Variants in ZDHHC14 observed in about 807,000 individuals in gnomAD.
The protein encoded by ZDHHC14 is palmitoyltransferase ZDHHC14.
A neutral mutation model predicts 47.7 loss-of-function variants in ZDHHC14; 16 were observed. The ratio of observed to expected loss-of-function variants is 0.34; its 90% CI spans 0.23 to 0.51. The LOEUF (loss-of-function observed/expected upper bound fraction) is 0.51. ZDHHC14 is among the 20% of genes least tolerant of loss of function. The pLI is 0.97. For missense variants in ZDHHC14, 515 were observed against 662.5 expected (o/e 0.78, Z 2.44); for synonymous variants, 293 against 278.9 (o/e 1.05, Z -0.50).
chr6:157,651,329 G>A (rs1003266948), intron 7 of ZDHHC14, among the ~76,000 whole-genome samples: 2 of 152,132 alleles, frequency 1.3e-5, no homozygotes, highest in African/African-American at 2.4e-5. Flanking sequence ...AGCCTCTGTC[G>A]GCCCATGGTG....
intron 1 of ZDHHC14, among the ~76,000 whole-genome samples, chr6:157,484,340 T>TATATATGTATATA (rs1440865862): frequency 1.4e-5 from 2 of 141,166 alleles, no homozygotes; most frequent in Non-Finnish European, 3.1e-5. Context: ...TATATATACA[T>TATATATGTATATA]TATACGTATA....
At position 157,537,019 on chromosome 6, in the gene ZDHHC14, C is replaced by G. The variant is rs1781568084; in HGVS notation, c.246-5566C>G. Reference sequence around the variant, plus strand: ...ATTTTTAGTAGAGACGGGGTTTCACCGTTTTAGCCGGGATGGTCTCGATCT... The same window carrying G: ...ATTTTTAGTAGAGACGGGGTTTCACGGTTTTAGCCGGGATGGTCTCGATCT... On this transcript the variant is annotated intron_variant, in intron 1 of 8. Coordinates refer to ENST00000359775, the MANE Select transcript of ZDHHC14 (RefSeq NM_024630.3). 3.1e-5 allele frequency among the ~76,000 whole-genome samples: 2 copies of G among 64,834 alleles called. 1 individual carries two copies. Among genetic ancestry groups the G allele is most frequent in the Admixed American group, 3.7e-4 (2 of 5,478 alleles). The allele number at this position is 64,834 out of a possible 152,430, so 42.5% of individuals were successfully genotyped here.
intron 2 of ZDHHC14, among the ~76,000 whole-genome samples, chr6:157,549,816 AT>A (rs2114819181): frequency 6.6e-6 from 1 of 152,364 alleles, no homozygotes; most frequent in African/African-American, 2.4e-5. Context: ...CATCCAGGAC[AT>A]TCAAGGAAGC....
At chr6:157,424,377 G>A (rs960609615) in intron 1 of ZDHHC14, among the ~76,000 whole-genome samples, 1 of 152,166 alleles carries the variant, frequency 6.6e-6, no homozygotes, top group Admixed American at 6.5e-5. Context: ...TCAAGTAAAC[G>A]TTGAATCTGA....
intron 7 of ZDHHC14, 95 bp from the exon 8 acceptor site, chr6:157,653,430 G>C (rs1777930767): frequency 1.5e-6 from 2 of 1,338,326 alleles, no homozygotes; most frequent in Non-Finnish European, 2.1e-6. Flanking sequence ...CCTGTCACGG[G>C]AAGAGGGAGC....
intron 2 of ZDHHC14, among the ~76,000 whole-genome samples, chr6:157,560,378 T>G (rs1359739950): frequency 1.3e-5 from 2 of 152,230 alleles, no homozygotes; most frequent in Non-Finnish European, 2.9e-5. Flanking sequence ...GTGAATCACC[T>G]TTGCAATCTG....
At chr6:157,523,332 G>A (rs554095110) in intron 1 of ZDHHC14, among the ~76,000 whole-genome samples, 8 of 151,830 alleles carry the variant, frequency 5.3e-5, no homozygotes, top group Admixed American at 3.9e-4. Context: ...TCAGTTCATC[G>A]CCATCACCAG....
At position 157,427,847 on chromosome 6, in the gene ZDHHC14, A is replaced by G. The variant is rs1001911144; in HGVS notation, c.245+45581A>G. ...CATTGTGGCCCCCAAGGACAATGGAATGGTGGGGCTCTAGTCTTCATCTTT... is the reference window on the plus strand; with the variant it reads ...CATTGTGGCCCCCAAGGACAATGGAGTGGTGGGGCTCTAGTCTTCATCTTT... On this transcript the variant is annotated intron_variant, in intron 1 of 8. Coordinates refer to ENST00000359775, the MANE Select transcript of ZDHHC14 (RefSeq NM_024630.3). This position sits in a 1 kb window ranked among gnomAD's most constrained non-coding sequence, Gnocchi z 4.4. Among the ~76,000 whole-genome samples the G allele has an allele frequency of 6.6e-6, 1 of 152,142 alleles. No individual in the cohort carries two copies. Among genetic ancestry groups the G allele is most frequent in the Admixed American group, 6.5e-5 (1 of 15,286 alleles).
At chr6:157,474,556 T>G (rs1049431826) in intron 1 of ZDHHC14, among the ~76,000 whole-genome samples, 1 of 152,362 alleles carries the variant, frequency 6.6e-6, no homozygotes, top group East Asian at 1.9e-4. Flanking sequence ...TTCCCATTTC[T>G]TCACATCCTT....
chr6:157,398,095 G>C (rs980397854), intron 1 of ZDHHC14, among the ~76,000 whole-genome samples: 1 of 134,668 alleles, frequency 7.4e-6, no homozygotes, highest in Admixed American at 7.4e-5. Context: ...GCCCCCCCCG[G>C]CTCCCCAGAT....
At chr6:157,393,300 G>C (rs550775272) in intron 1 of ZDHHC14, among the ~76,000 whole-genome samples, 1 of 152,214 alleles carries the variant, frequency 6.6e-6, no homozygotes, top group Non-Finnish European at 1.5e-5. Context: ...AGAGCCATGG[G>C]AATGAGGTGG....
At chr6:157,442,658 G>A (rs556691545) in intron 1 of ZDHHC14, among the ~76,000 whole-genome samples, 21 of 152,288 alleles carry the variant, frequency 1.4e-4, no homozygotes, top group Admixed American at 5.9e-4. Context: ...TGTAGAAAGC[G>A]TACCCTGGAG....
chr6:157,437,472 T>C (rs1310844523), intron 1 of ZDHHC14, among the ~76,000 whole-genome samples: 3 of 152,214 alleles, frequency 2.0e-5, no homozygotes, highest in Non-Finnish European at 4.4e-5. Context: ...TCTGTAGTGA[T>C]ACTGGAGTTC....
At position 157,672,715 on chromosome 6, in the gene ZDHHC14, G is replaced by A. The variant is rs368445665; in HGVS notation, c.1069-9G>A. ...CACCTTCTCTTTGCTGGCGCCTCCC[G>A]CTCTCCAGTGCGACCAAGACCAGTG... is the stretch of plus-strand genomic sequence containing the variant. On this transcript the variant is annotated splice_polypyrimidine_tract_variant and intron_variant, in intron 8 of 8. Transcript: ENST00000359775. 5.9e-5 allele frequency: 79 copies of A among 1,336,090 alleles called. No homozygotes were observed. Among genetic ancestry groups the A allele is most frequent in the Non-Finnish European group, 7.3e-5 (74 of 1,013,410 alleles). 82.8% of individuals were successfully genotyped at this position (1,336,090 alleles called of 1,614,324 possible).
At chr6:157,564,708 T>C (rs539717920) in intron 2 of ZDHHC14, among the ~76,000 whole-genome samples, 7 of 152,362 alleles carry the variant, frequency 4.6e-5, no homozygotes, top group African/African-American at 1.4e-4. Flanking sequence ...ACAGCACTTA[T>C]AGTCCTTTAT....
chr6:157,612,586 C>A (rs1216753461), intron 3 of ZDHHC14, among the ~76,000 whole-genome samples: 1 of 152,188 alleles, frequency 6.6e-6, no homozygotes, highest in East Asian at 1.9e-4. Flanking sequence ...TAGCTCTGAC[C>A]AGGGTTGTCA....
intron 1 of ZDHHC14, among the ~76,000 whole-genome samples, chr6:157,385,649 G>C (rs948512714): frequency 6.6e-6 from 1 of 152,246 alleles, no homozygotes; most frequent in Non-Finnish European, 1.5e-5. Flanking sequence ...AGCCCCTGGA[G>C]AAAGGCAGGG....
At chr6:157,470,116 T>C (rs551695713) in intron 1 of ZDHHC14, among the ~76,000 whole-genome samples, 1 of 152,370 alleles carries the variant, frequency 6.6e-6, no homozygotes, top group South Asian at 2.1e-4. Flanking sequence ...AAAAATTATG[T>C]TCTCTCATAG....
chr6:157,456,879 G>A (rs556778127), intron 1 of ZDHHC14, among the ~76,000 whole-genome samples: 9 of 152,182 alleles, frequency 5.9e-5, no homozygotes, highest in African/African-American at 2.2e-4. Flanking sequence ...CGGGCGTGGT[G>A]GCTCATGCCT....
Sources: allele counts gnomAD v4.1 joint callset (sites outside exome capture counted in the v4.1 genomes callset), GRCh38; gene constraint gnomAD v4.1.1; non-coding constraint Gnocchi (gnomAD v3.1); transcripts MANE v1.5; gene names NCBI Gene and HGNC (gene_info 2026-07-23, HGNC 2026-07-21).